Variants in MIPOL1 observed in about 807,000 individuals in gnomAD.
The protein encoded by MIPOL1 is mirror-image polydactyly gene 1 protein.
In MIPOL1, 57 loss-of-function variants were observed where a neutral mutation model predicts 60.9. The ratio of observed to expected loss-of-function variants is 0.94; its 90% CI spans 0.76 to 1.17. MIPOL1 has a LOEUF of 1.17. MIPOL1 is among the 50% of genes most tolerant of loss of function. The pLI, the probability that MIPOL1 is intolerant of heterozygous loss-of-function variation, is 0.00. For missense variants in MIPOL1, 551 were observed against 511.6 expected (o/e 1.08, Z -0.74); for synonymous variants, 179 against 168.8 (o/e 1.06, Z -0.47).
chr14:37,545,648 C>G, intron 12 of MIPOL1: 1 of 643,434 alleles, frequency 1.6e-6, no homozygotes, highest in Non-Finnish European at 2.8e-6. Context: ...TTTTATTTTC[C>G]TGTTTTTTGT....
chr14:37,240,173 C>T (rs1972124827), intron 1 of MIPOL1, among the ~76,000 whole-genome samples: 1 of 152,038 alleles, frequency 6.6e-6, no homozygotes, highest in African/African-American at 2.4e-5. Context: ...GTATATGCCT[C>T]TGTTTGTTAA....
At chr14:37,357,943 A>G (rs771045721) in intron 9 of MIPOL1, among the ~76,000 whole-genome samples, 1 of 151,750 alleles carries the variant, frequency 6.6e-6, no homozygotes, top group Non-Finnish European at 1.5e-5. Flanking sequence ...GCACCCATCA[A>G]CTCGTCATTT....
intron 9 of MIPOL1, among the ~76,000 whole-genome samples, chr14:37,332,972 C>G (rs538314574): frequency 6.6e-6 from 1 of 152,084 alleles, no homozygotes; most frequent in African/African-American, 2.4e-5. Flanking sequence ...GAGATACTTG[C>G]AATACTTTAG....
chr14:37,341,136 G>C (rs577567213), intron 9 of MIPOL1, among the ~76,000 whole-genome samples: 4 of 152,094 alleles, frequency 2.6e-5, no homozygotes, highest in Non-Finnish European at 5.9e-5. Flanking sequence ...TTCTCATAAT[G>C]TATCTCCATT....
chr14:37,473,408 CAACACAAAGCAAATGAACA>C (rs1214958002), intron 11 of MIPOL1, among the ~76,000 whole-genome samples: 8 of 152,026 alleles, frequency 5.3e-5, no homozygotes, highest in African/African-American at 1.7e-4. Context: ...TATTTTATAG[CAACACAAAGCAAATGAACA>C]CAGACACTAT....
At chr14:37,373,764 T>C (rs182467810) in intron 10 of MIPOL1, among the ~76,000 whole-genome samples, 1 of 152,318 alleles carries the variant, frequency 6.6e-6, no homozygotes, top group African/African-American at 2.4e-5. Context: ...ATGTGCCACA[T>C]TTTCTTTATC....
At chr14:37,390,969 G>A (rs151337693) in intron 10 of MIPOL1, among the ~76,000 whole-genome samples, 1 of 151,952 alleles carries the variant, frequency 6.6e-6, no homozygotes, top group Non-Finnish European at 1.5e-5. Flanking sequence ...AATGACACAT[G>A]GACACAATAC....
At position 37,255,996 on chromosome 14, in the gene MIPOL1, A is replaced by G. The variant is rs11849115; in HGVS notation, c.19+8089A>G. The stretch of plus-strand genomic sequence containing the variant: ...GTAGAAACAATGTTTTTGCTACTCA[A>G]TATTTTAAAAATTAACAATTAAATG... On this transcript the variant is annotated intron_variant, in intron 3 of 12. Transcript: ENST00000684589. Among the ~76,000 whole-genome samples, 1,007 of 151,906 alleles carry G rather than the reference A, an allele frequency of 6.6e-3. 10 individuals carry two copies. The highest frequency in any genetic ancestry group is 0.023 in the African/African-American group (951 of 41,516).
Position 37,523,487 on chromosome 14 carries a change from T to C in MIPOL1, c.1262+23349T>C, listed in dbSNP as rs1181753401. The stretch of plus-strand genomic sequence containing the variant: ...TTTTTTTCCAGATCTCAAATACAAA[T>C]CTATTTCATTCCAAATAAAAAAGAT... On this transcript the variant is annotated intron_variant, in intron 12 of 12. Coordinates refer to ENST00000684589, the MANE Select transcript of MIPOL1 (RefSeq NM_001388067.1). 1.7e-5 allele frequency: 7 copies of C among 418,340 alleles called. No homozygotes were observed. The Admixed American group carries it at 2.6e-4, about 16-fold the overall frequency. The allele number at this position is 418,340 out of a possible 1,614,324, so 25.9% of individuals were successfully genotyped here. A position where few individuals can be genotyped will look rare whatever the true frequency, so the allele number is the denominator to read the frequency against.
chr14:37,294,053 A>G (rs1197499111), intron 7 of MIPOL1, among the ~76,000 whole-genome samples: 1 of 152,178 alleles, frequency 6.6e-6, no homozygotes, highest in South Asian at 2.1e-4. Context: ...ACTGGGAGGC[A>G]TCCCCCAGTA....
chr14:37,221,663 C>T (rs1968781836), intron 1 of MIPOL1, among the ~76,000 whole-genome samples: 1 of 152,104 alleles, frequency 6.6e-6, no homozygotes, highest in South Asian at 2.1e-4. Context: ...CACTTTAAAA[C>T]AACCAGATCT....
intron 12 of MIPOL1, among the ~76,000 whole-genome samples, chr14:37,529,008 T>A (rs1257827292): frequency 2.6e-5 from 4 of 152,170 alleles, no homozygotes; most frequent in Non-Finnish European, 4.4e-5. Context: ...GTATAGAACA[T>A]AGCATTCGAA....
chr14:37,264,064 T>TAAAG (rs1382060562), intron 3 of MIPOL1, among the ~76,000 whole-genome samples: 117 of 152,266 alleles, frequency 7.7e-4, no homozygotes, highest in Non-Finnish European at 1.2e-3. Context: ...CTAAAGCTCT[T>TAAAG]AGTAGCTTCG....
chr14:37,512,973 A>T (rs2095340463), intron 12 of MIPOL1, among the ~76,000 whole-genome samples: 1 of 152,110 alleles, frequency 6.6e-6, no homozygotes, highest in Admixed American at 6.6e-5. Context: ...TCGAATAGTT[A>T]TTTGTAATAG....
intron 10 of MIPOL1, among the ~76,000 whole-genome samples, chr14:37,410,535 A>G (rs896188013): frequency 2.6e-5 from 4 of 152,286 alleles, no homozygotes; most frequent in East Asian, 1.9e-4. Context: ...ACACAGGTAC[A>G]TGGTTCTATA....
At chr14:37,399,461 T>TC (rs1275912654) in intron 10 of MIPOL1, among the ~76,000 whole-genome samples, 1 of 152,196 alleles carries the variant, frequency 6.6e-6, no homozygotes, top group East Asian at 1.9e-4. Flanking sequence ...CATTTAGTGT[T>TC]CATTTTTTAT....
intron 12 of MIPOL1, among the ~76,000 whole-genome samples, chr14:37,511,465 A>G (rs1295046952): frequency 5.3e-5 from 8 of 152,188 alleles, no homozygotes; most frequent in Admixed American, 1.3e-4. Context: ...TTGGTAGGAA[A>G]AACTTCTCTT....
chr14:37,410,928 G>A lies in MIPOL1; in HGVS notation c.937-11927G>A, dbSNP rs75353907. Among the ~76,000 whole-genome samples the A allele has an allele frequency of 5.9e-4, 89 of 152,086 alleles. No individual in the cohort carries two copies. In the East Asian group the frequency reaches 0.016, roughly 27 times the overall value. On this transcript the variant is annotated intron_variant, in intron 10 of 12. Transcript: ENST00000684589. Reference sequence around the variant, plus strand: ...TTTAAAAATATAACATAGAACTAGCGAGGAAAGTAGAAAGCATACAACAAG... The same window carrying A: ...TTTAAAAATATAACATAGAACTAGCAAGGAAAGTAGAAAGCATACAACAAG...
At chr14:37,198,740 C>T (rs1220072552) in intron 1 of MIPOL1, among the ~76,000 whole-genome samples, 1 of 152,124 alleles carries the variant, frequency 6.6e-6, no homozygotes, top group Non-Finnish European at 1.5e-5. Context: ...TGGAAAAGCT[C>T]CTTTGAGCAT....
Sources: allele counts gnomAD v4.1 joint callset (sites outside exome capture counted in the v4.1 genomes callset), GRCh38; gene constraint gnomAD v4.1.1; transcripts MANE v1.5; gene names NCBI Gene and HGNC (gene_info 2026-07-23, HGNC 2026-07-21).